The following STK32B variants were observed in gnomAD, a reference collection of about 807,000 sequenced individuals.
The protein encoded by STK32B is serine/threonine-protein kinase 32B.
A neutral mutation model predicts 52.6 loss-of-function variants in STK32B; 43 were observed. The observed-to-expected ratio is 0.82, with a 90% CI of 0.64 to 1.05. The LOEUF (loss-of-function observed/expected upper bound fraction) is 1.05, where lower values mean the gene tolerates loss of function less well. STK32B is among the 50% of genes least tolerant of loss of function. The pLI is 0.00. For synonymous variants in STK32B, 238 were observed against 204.3 expected (o/e 1.17, Z -1.41); for missense variants, 621 against 534.6 (o/e 1.16, Z -1.59).
At chr4:5,493,224 T>C (rs1719903974) in intron 11 of STK32B, among the ~76,000 whole-genome samples, 1 of 152,168 alleles carries the variant, frequency 6.6e-6, no homozygotes. Flanking sequence ...TCTTTTTTCT[T>C]GGTAAGCTAT....
At chr4:5,019,851 G>A in the STK32B span, among the ~76,000 whole-genome samples, 1 of 152,198 alleles carries the variant, frequency 6.6e-6, no homozygotes, top group Non-Finnish European at 1.5e-5. Flanking sequence ...GGATGGCACG[G>A]TTTGTCAAAA....
chr4:5,106,179 G>T (rs1034369322), intron 1 of STK32B, among the ~76,000 whole-genome samples: 2 of 152,034 alleles, frequency 1.3e-5, no homozygotes, highest in East Asian at 2.0e-4. Context: ...GTGTGTGCCT[G>T]TGATCCCAGC....
At chr4:5,037,902 C>T in the STK32B span, among the ~76,000 whole-genome samples, 1 of 152,214 alleles carries the variant, frequency 6.6e-6, no homozygotes, top group Non-Finnish European at 1.5e-5. Flanking sequence ...GTAATGGGCA[C>T]ATGTTTTTTG....
chr4:5,189,043 A>G (rs1720975349), intron 3 of STK32B, among the ~76,000 whole-genome samples: 1 of 151,874 alleles, frequency 6.6e-6, no homozygotes. Flanking sequence ...CAGATGTAAA[A>G]GTTCACAGCA....
chr4:5,026,933 G>A, the STK32B span, among the ~76,000 whole-genome samples: 1 of 152,354 alleles, frequency 6.6e-6, no homozygotes, highest in East Asian at 1.9e-4. Flanking sequence ...AAGAGTCTGA[G>A]TGCTAAGGTA....
intron 1 of STK32B, among the ~76,000 whole-genome samples, chr4:5,089,970 G>A (rs935579522): frequency 6.6e-6 from 1 of 152,158 alleles, no homozygotes; most frequent in Non-Finnish European, 1.5e-5. Flanking sequence ...GATCAGTGAT[G>A]TTGAGCTTTT....
At chr4:5,029,658 T>G in the STK32B span, among the ~76,000 whole-genome samples, 17,266 of 152,216 alleles carry the variant, frequency 0.11, 1,161 homozygotes, top group Middle Eastern at 0.21. Flanking sequence ...ACCCAGGCTG[T>G]CCGACACCTT....
chr4:5,166,051 C>T (rs79828562), intron 2 of STK32B, among the ~76,000 whole-genome samples: 2,882 of 152,198 alleles, frequency 0.019, 76 homozygotes, highest in African/African-American at 0.056. Flanking sequence ...AAGCTGGAGT[C>T]GGAAATCAGG....
intron 3 of STK32B, among the ~76,000 whole-genome samples, chr4:5,194,565 C>T (rs922149387): frequency 6.6e-6 from 1 of 152,196 alleles, no homozygotes; most frequent in African/African-American, 2.4e-5. Flanking sequence ...AACTTCAATG[C>T]GTCGATCTTA....
chr4:5,279,940 A>G (rs1225331787), intron 3 of STK32B, among the ~76,000 whole-genome samples: 1 of 152,176 alleles, frequency 6.6e-6, no homozygotes, highest in Non-Finnish European at 1.5e-5. Flanking sequence ...CCTCACTCAC[A>G]AAACCACATT....
intron 4 of STK32B, among the ~76,000 whole-genome samples, chr4:5,366,848 T>C (rs1339557567): frequency 6.6e-6 from 1 of 152,200 alleles, no homozygotes; most frequent in Non-Finnish European, 1.5e-5. Flanking sequence ...CCCAGTGTGT[T>C]ACAGGGTTCT....
chr4:5,096,197 C>T (rs1713383413), intron 1 of STK32B, among the ~76,000 whole-genome samples: 1 of 152,182 alleles, frequency 6.6e-6, no homozygotes, highest in Non-Finnish European at 1.5e-5. Context: ...CATTCTAAGA[C>T]AGCTAAAACT....
chr4:5,323,208 T>C (rs892646867), intron 3 of STK32B, among the ~76,000 whole-genome samples: 3 of 152,126 alleles, frequency 2.0e-5, no homozygotes, highest in Non-Finnish European at 2.9e-5. Context: ...AAACCCACTT[T>C]AGATTGGTAG....
intron 3 of STK32B, among the ~76,000 whole-genome samples, chr4:5,205,772 C>T (rs1477810276): frequency 2.6e-5 from 4 of 151,608 alleles, no homozygotes; most frequent in Non-Finnish European, 5.9e-5. Flanking sequence ...TGGGATTGGG[C>T]AATGCCCATG....
chr4:5,286,727 T>G (rs1229886710), intron 3 of STK32B, among the ~76,000 whole-genome samples: 1 of 152,122 alleles, frequency 6.6e-6, no homozygotes, highest in African/African-American at 2.4e-5. Flanking sequence ...GTTTTTGCAT[T>G]GTTGACCTTT....
chr4:5,127,969 C>T (rs1350067278), intron 1 of STK32B, among the ~76,000 whole-genome samples: 5 of 152,300 alleles, frequency 3.3e-5, no homozygotes, highest in East Asian at 1.9e-4. Context: ...TGACTTTGCT[C>T]CTCAGTCACC....
At chr4:5,360,661 C>G (rs1006733148) in intron 4 of STK32B, among the ~76,000 whole-genome samples, 2 of 152,074 alleles carry the variant, frequency 1.3e-5, no homozygotes, top group African/African-American at 2.4e-5. Context: ...TAAAAGTTAG[C>G]TGGGCATGGT....
rs1392554846 is a variant in STK32B at position 5,140,263 on chromosome 4, C to G, written c.108+303C>G. ...AAGTTGAAAAAAAACCCATAAACAT[C>G]ACAAAGGCAGCTCTTTCCAGCAACA... On this transcript the variant is annotated intron_variant, in intron 2 of 11. Transcript: ENST00000282908. 5.0e-6 allele frequency: 7 copies of G among 1,400,880 alleles called. No individual in the cohort carries two copies. The African/African-American group carries it at 7.1e-5, about 14-fold the overall frequency. 86.8% of individuals were successfully genotyped at this position (1,400,880 alleles called of 1,614,324 possible).
chr4:5,435,707 G>C (rs988378286), intron 6 of STK32B: 1 of 152,214 alleles, frequency 6.6e-6, no homozygotes, highest in Non-Finnish European at 1.5e-5. Flanking sequence ...GTACCAGGCA[G>C]GGGATGAGGC....
Sources: gnomAD v4.1 joint callset for allele counts (sites outside exome capture counted in the v4.1 genomes callset) on GRCh38, gnomAD v4.1.1 for gene constraint, MANE v1.5 for transcripts, NCBI Gene and HGNC (gene_info 2026-07-23, HGNC 2026-07-21) for gene names.